The following TGFBRAP1 variants were observed in gnomAD, a reference collection of about 807,000 sequenced individuals.
TGFBRAP1 encodes transforming growth factor beta receptor associated protein 1.
TGFBRAP1 carries 20 observed loss-of-function variants against 83.2 expected under a neutral mutation model. The ratio of observed to expected loss-of-function variants is 0.24; its 90% CI spans 0.17 to 0.35. TGFBRAP1 has a LOEUF of 0.35. TGFBRAP1 is among the 10% of genes least tolerant of loss of function. TGFBRAP1 has a pLI of 1.00. For synonymous variants in TGFBRAP1, 415 were observed against 459.8 expected, an observed-to-expected ratio of 0.90 and a Z score of 1.25; for missense variants, 950 against 1,099.4, an observed-to-expected ratio of 0.86 and a Z score of 1.92.
At chr2:105,251,517 T>TGG in the TGFBRAP1 span, among the ~76,000 whole-genome samples, 770 of 141,370 alleles carry the variant, frequency 5.4e-3, 12 homozygotes, top group African/African-American at 0.02. Flanking sequence ...GGGAGGGAGG[T>TGG]GGGGGGGGAT....
chr2:105,264,358 T>G (rs1238834628), downstream of TGFBRAP1: 1 of 152,196 alleles, frequency 6.6e-6, no homozygotes, highest in African/African-American at 2.4e-5. Flanking sequence ...AGCAAGAAGG[T>G]ACAGATTCTA....
At chr2:105,256,586 T>A in the TGFBRAP1 span, among the ~76,000 whole-genome samples, 1 of 152,194 alleles carries the variant, frequency 6.6e-6, no homozygotes, top group African/African-American at 2.4e-5. Flanking sequence ...TCCCTTTATA[T>A]GAGTACACAG....
the TGFBRAP1 span, among the ~76,000 whole-genome samples, chr2:105,256,362 G>A: frequency 3.9e-5 from 6 of 151,976 alleles, no homozygotes; most frequent in Non-Finnish European, 7.4e-5. Context: ...CCATCACCTC[G>A]CTCACTTCTA....
chr2:105,263,649 A>T (rs1031407220), downstream of TGFBRAP1, among the ~76,000 whole-genome samples: 6 of 152,290 alleles, frequency 3.9e-5, no homozygotes, highest in African/African-American at 1.4e-4. Flanking sequence ...AGGCCAAGGC[A>T]GGTGGATCAC....
chr2:105,292,750 T>C (rs1677955796), intron 4 of TGFBRAP1, among the ~76,000 whole-genome samples: 1 of 152,022 alleles, frequency 6.6e-6, no homozygotes, highest in South Asian at 2.1e-4. Context: ...GGAGAGAAAC[T>C]GAGTTTAGAC....
chr2:105,316,687 AC>A (rs1248456484), intron 1 of TGFBRAP1, among the ~76,000 whole-genome samples: 2 of 151,824 alleles, frequency 1.3e-5, no homozygotes, highest in African/African-American at 4.8e-5. Flanking sequence ...GGCTGTGCAC[AC>A]CTGTAGTCCC....
At chr2:105,294,058 G>C (rs1338641952) in intron 4 of TGFBRAP1, among the ~76,000 whole-genome samples, 7 of 152,204 alleles carry the variant, frequency 4.6e-5, no homozygotes, top group Admixed American at 3.9e-4. Context: ...AGGGCCCTGT[G>C]GGAAGCGCCA....
chr2:105,285,547 G>A (rs1227434699), intron 4 of TGFBRAP1, among the ~76,000 whole-genome samples: 2 of 152,190 alleles, frequency 1.3e-5, no homozygotes, highest in African/African-American at 4.8e-5. Flanking sequence ...ATTCCTCCAG[G>A]TACACAGCAG....
chr2:105,288,475 T>C (rs1303235319), intron 4 of TGFBRAP1, among the ~76,000 whole-genome samples: 3 of 152,152 alleles, frequency 2.0e-5, no homozygotes, highest in African/African-American at 4.8e-5. Context: ...GCAAACACAG[T>C]TGTTGCCAGC....
At chr2:105,270,606 T>C (rs1488250673) in intron 10 of TGFBRAP1, among the ~76,000 whole-genome samples, 2 of 152,238 alleles carry the variant, frequency 1.3e-5, no homozygotes, top group Admixed American at 6.5e-5. Flanking sequence ...AATCAAATTA[T>C]AGGCATTTGA....
chr2:105,270,783 C>T (rs1443292799), intron 10 of TGFBRAP1, among the ~76,000 whole-genome samples: 1 of 152,174 alleles, frequency 6.6e-6, no homozygotes, highest in Non-Finnish European at 1.5e-5. Context: ...TAAGTGGCTG[C>T]CATAGTTAAG....
At chr2:105,324,887 T>C (rs114470933) in intron 1 of TGFBRAP1, 1 of 152,218 alleles carries the variant, frequency 6.6e-6, no homozygotes, top group East Asian at 1.9e-4. Context: ...GTGGTAAATG[T>C]GGGCACGCTG....
intron 1 of TGFBRAP1, 72 bp from the exon 2 acceptor site, chr2:105,308,390 A>G (rs1052310106): frequency 7.5e-7 from 1 of 1,340,706 alleles, no homozygotes; most frequent in African/African-American, 1.5e-5. Context: ...CAATAATGAT[A>G]CGTGGATTCC....
At chr2:105,313,767 C>A (rs1678764545) in intron 1 of TGFBRAP1, among the ~76,000 whole-genome samples, 1 of 151,952 alleles carries the variant, frequency 6.6e-6, no homozygotes, top group African/African-American at 2.4e-5. Flanking sequence ...GAAATAAAAT[C>A]TGTTTAGCTC....
intron 2 of TGFBRAP1, among the ~76,000 whole-genome samples, chr2:105,300,197 T>G (rs1265316730): frequency 2.0e-5 from 3 of 152,096 alleles, no homozygotes; most frequent in African/African-American, 7.2e-5. Context: ...TGGTTTAAAG[T>G]CTGGTGGTTA....
Position 105,275,697 on chromosome 2 carries a change from C to G in TGFBRAP1, c.1528G>C (p.Val510Leu). 6.2e-7 allele frequency: 1 copy of G among 1,601,968 alleles called. No homozygotes were observed. Among genetic ancestry groups the G allele is most frequent in the Non-Finnish European group, 8.5e-7 (1 of 1,176,198 alleles). The change falls in exon 8 of 12, where the codon GTG becomes CTG. Residue 510 changes from valine (V) to leucine (L), a missense_variant. By Grantham distance (32) the Val-to-Leu change is conservative (BLOSUM62 1). Coordinates refer to ENST00000393359, the MANE Select transcript of TGFBRAP1 (RefSeq NM_004257.6). ...TGGACATCGCCATTCACAATGTTCA[C>G]CCACAACTGGAAAGGAATCAAAAAG... ...NQDAAAVQLW[V>L]NIVNGDVQDS... is the part of the protein sequence containing the mutation.
At chr2:105,274,837 A>G (rs1677281770) in intron 8 of TGFBRAP1, among the ~76,000 whole-genome samples, 1 of 152,242 alleles carries the variant, frequency 6.6e-6, no homozygotes, top group Non-Finnish European at 1.5e-5. Flanking sequence ...TTCAGGACCA[A>G]CGTCCTGCAT....
At chr2:105,287,539 T>C (rs566373097) in intron 4 of TGFBRAP1, among the ~76,000 whole-genome samples, 1 of 152,250 alleles carries the variant, frequency 6.6e-6, no homozygotes, top group African/African-American at 2.4e-5. Context: ...TGCTTGTCAT[T>C]AGCTGTGTGG....
chr2:105,270,541 T>C (rs1296518304), intron 10 of TGFBRAP1, among the ~76,000 whole-genome samples: 1 of 152,216 alleles, frequency 6.6e-6, no homozygotes, highest in Non-Finnish European at 1.5e-5. Flanking sequence ...TAAGATCTCT[T>C]CCTACTGTGA....
Sources: gnomAD v4.1 joint callset for allele counts (sites outside exome capture counted in the v4.1 genomes callset) on GRCh38, gnomAD v4.1.1 for gene constraint, MANE v1.5 for transcripts, NCBI Gene and HGNC (gene_info 2026-07-23, HGNC 2026-07-21) for gene names.